The following ANK1 variants were observed in gnomAD, a reference collection of about 807,000 sequenced individuals.
The protein encoded by ANK1 is ankyrin 1, also known as ankyrin-1.
In ANK1, 51 loss-of-function variants were observed where a neutral mutation model predicts 210.4. That is an observed-to-expected ratio of 0.24 (90% confidence interval 0.19 to 0.31). ANK1 has a LOEUF of 0.31. Among genes scored for constraint, ANK1 ranks in the 10% least tolerant of loss-of-function variants. The pLI, the probability that ANK1 is intolerant of heterozygous loss-of-function variation, is 1.00. For synonymous variants in ANK1, 967 were observed against 1,025.9 expected, an observed-to-expected ratio of 0.94 and a Z score of 1.10; for missense variants, 2,051 against 2,504.4, an observed-to-expected ratio of 0.82 and a Z score of 3.86.
intron 1 of ANK1, among the ~76,000 whole-genome samples, chr8:41,893,566 T>G (rs1819858987): frequency 6.6e-6 from 1 of 152,200 alleles, no homozygotes; most frequent in Non-Finnish European, 1.5e-5. Context: ...ATCGCCAAAG[T>G]TACAACCATG....
At chr8:41,764,110 G>A (rs13263917) in intron 1 of ANK1, among the ~76,000 whole-genome samples, 45,992 of 151,502 alleles carry the variant, frequency 0.3, 7,128 homozygotes, top group South Asian at 0.38. Flanking sequence ...CAGAATATAG[G>A]TCCTTGCTCT....
chr8:41,661,998 T>C, intron 40 of ANK1, 57 bp from the exon 41 acceptor site: 1 of 1,587,408 alleles, frequency 6.3e-7, no homozygotes, highest in Admixed American at 1.7e-5. Flanking sequence ...GGGGCTCATG[T>C]CTGTAATCTC....
chr8:41,835,880 G>A (rs965465557), intron 1 of ANK1, among the ~76,000 whole-genome samples: 2 of 152,234 alleles, frequency 1.3e-5, no homozygotes, highest in African/African-American at 2.4e-5. Flanking sequence ...GAAGCCTGCA[G>A]TGTCGCCCCG....
intron 39 of ANK1, chr8:41,664,052 A>C: frequency 1.9e-6 from 1 of 531,858 alleles, no homozygotes; most frequent in Non-Finnish European, 3.6e-6. Flanking sequence ...AGGCCCTGAG[A>C]GAGGAAGTGA....
Position 41,696,837 on chromosome 8 carries a change from G to A in ANK1, c.2638-64C>T, listed in dbSNP as rs1345306112. 2.0e-6 allele frequency: 3 copies of A among 1,473,070 alleles called. No homozygotes were observed. The African/African-American group carries it at 4.2e-5, about 20-fold the overall frequency. The allele number at this position is 1,473,070 out of a possible 1,614,324, so 91.2% of individuals were successfully genotyped here. On this transcript the variant is annotated intron_variant, in intron 24 of 42. Coordinates refer to ENST00000289734, the MANE Select transcript of ANK1 (RefSeq NM_000037.4). ...CCGGGCCAGCTGGATGCCGTGCCAGGGCGTGGAGGCTTGGAAGAACCTTGC... is the reference window on the plus strand; with the variant it reads ...CCGGGCCAGCTGGATGCCGTGCCAGAGCGTGGAGGCTTGGAAGAACCTTGC...
chr8:41,841,034 A>G (rs1052571849), intron 1 of ANK1, among the ~76,000 whole-genome samples: 2 of 152,172 alleles, frequency 1.3e-5, no homozygotes, highest in African/African-American at 4.8e-5. Flanking sequence ...GTAACCCATC[A>G]TCAGTCCCAC....
chr8:41,836,816 A>G (rs1405469253), intron 1 of ANK1, among the ~76,000 whole-genome samples: 1 of 152,004 alleles, frequency 6.6e-6, no homozygotes, highest in East Asian at 1.9e-4. Flanking sequence ...GCCACTCAAG[A>G]GGCTGAGGCA....
Position 41,724,642 on chromosome 8 carries a change from G to C in ANK1, c.613-88C>G, listed in dbSNP as rs964900471. ...CCTGGGATGCAGGAAACTCAGGTGG[G>C]GCAACAGGACTTTACAGACAAAGGA... On this transcript the variant is annotated intron_variant, in intron 6 of 42. Transcript: ENST00000289734. 1.5e-4 allele frequency: 185 copies of C among 1,234,300 alleles called. No homozygotes were observed. In the East Asian group the frequency reaches 4.6e-3, roughly 31 times the overall value. 76.5% of individuals were successfully genotyped at this position (1,234,300 alleles called of 1,614,324 possible).
chr8:41,797,669 C>T, upstream of ANK1: 1 of 1,374,710 alleles, frequency 7.3e-7, no homozygotes, highest in East Asian at 2.9e-5. The surrounding 1 kb of genome is among the most constrained non-coding windows in gnomAD (Gnocchi z 4.0). Flanking sequence ...CCTTATCGGC[C>T]CCAGAGGCGC....
rs1413536083 is a variant in ANK1 at position 41,706,234 on chromosome 8, A to G, written c.2006T>C (p.Leu669Pro). ...TTGTGCTACCAGATGGAGGGGAGTGAGTCCGCTCTGCAAAGAAAAAGACGT... is the reference window on the plus strand; with the variant it reads ...TTGTGCTACCAGATGGAGGGGAGTGGGTCCGCTCTGCAAAGAAAAAGACGT... Reference protein sequence around the residue: ...ANGNLGNKSGLTPLHLVAQEG... With the variant: ...ANGNLGNKSGPTPLHLVAQEG... The change falls in exon 18 of 43, where the codon CTC becomes CCC. Residue 669 changes from leucine (L) to proline (P), a missense_variant. Around this residue, in one of 6 missense-constraint regions of ANK1, gnomAD observed 1,413 missense variants for 1,707.4 expected, o/e 0.83. Transcript: ENST00000289734. 4 of 1,614,102 alleles carry G rather than the reference A, an allele frequency of 2.5e-6. No homozygotes were observed. Among genetic ancestry groups the G allele is most frequent in the Non-Finnish European group, 3.4e-6 (4 of 1,179,980 alleles).
chr8:41,876,238 C>T (rs1014458490), intron 1 of ANK1, among the ~76,000 whole-genome samples: 1 of 152,204 alleles, frequency 6.6e-6, no homozygotes, highest in South Asian at 2.1e-4. Flanking sequence ...GCCTGCGCTC[C>T]AGCCGCGGCA....
Position 41,704,592 on chromosome 8 carries a change from T to G in ANK1, c.2098-120A>C, listed in dbSNP as rs1824048929. 2 of 857,610 alleles carry G rather than the reference T, an allele frequency of 2.3e-6. No homozygotes were observed. The highest frequency in any genetic ancestry group is 3.3e-5 in the African/African-American group (2 of 60,698). The allele number at this position is 857,610 out of a possible 1,614,324, so 53.1% of individuals were successfully genotyped here. ...CAGGGAGCCCCTTGAAGGCTGACAT[T>G]GACAAGCTGAATGGCTGCTGCTGGG... On this transcript the variant is annotated intron_variant, in intron 18 of 42. Coordinates refer to ENST00000289734, the MANE Select transcript of ANK1 (RefSeq NM_000037.4). This position sits in a 1 kb window ranked among gnomAD's most constrained non-coding sequence, Gnocchi z 4.1.
At chr8:41,659,616 C>T (rs1807152526) in intron 42 of ANK1, among the ~76,000 whole-genome samples, 1 of 152,180 alleles carries the variant, frequency 6.6e-6, no homozygotes, top group Admixed American at 6.5e-5. Flanking sequence ...GAGGGTAGGG[C>T]ATTTAATGCT....
At chr8:41,894,241 C>T (rs1414951424) in intron 1 of ANK1, among the ~76,000 whole-genome samples, 1 of 152,080 alleles carries the variant, frequency 6.6e-6, no homozygotes, top group Non-Finnish European at 1.5e-5. Flanking sequence ...TTATATTAAT[C>T]ATAGCACCCA....
chr8:41,700,410 T>C (rs1822429784), intron 22 of ANK1: 1 of 1,611,830 alleles, frequency 6.2e-7, no homozygotes, highest in Non-Finnish European at 8.5e-7. Flanking sequence ...AAGACCACAG[T>C]AAACAGAAAG....
At chr8:41,664,836 G>T in intron 39 of ANK1, 1 of 1,611,938 alleles carries the variant, frequency 6.2e-7, no homozygotes, top group Non-Finnish European at 8.5e-7. Context: ...GACCACCCTG[G>T]TGGAGATGGT....
At chr8:41,695,385 C>T (rs1380832543) in intron 26 of ANK1, 54 bp from the exon 27 acceptor site, 1 of 1,611,868 alleles carries the variant, frequency 6.2e-7, no homozygotes, top group Non-Finnish European at 8.5e-7. Flanking sequence ...GCAGGCAGGG[C>T]ACAGGGAGGG....
At position 41,694,686 on chromosome 8, in the gene ANK1, G is replaced by A. The variant is rs1005949437; in HGVS notation, c.3233C>T (p.Pro1078Leu). The A allele has an allele frequency of 1.2e-6, 2 of 1,614,048 alleles. No individual in the cohort carries two copies. Among genetic ancestry groups the A allele is most frequent in the Admixed American group, 1.7e-5 (1 of 60,010 alleles). Residue 1078 changes from proline (P) to leucine (L), a missense_variant, in exon 28 of 43, where the codon CCC (proline) becomes CTC (leucine). Coordinates refer to ENST00000289734, the MANE Select transcript of ANK1 (RefSeq NM_000037.4). This position sits in a 1 kb window ranked among gnomAD's most constrained non-coding sequence, Gnocchi z 5.7. ...CTTGCTCTTCAGGGAGCCCCCTTCGGGACCGATGGTGTCGTAGTCCTGGCA... is the reference window on the plus strand; with the variant it reads ...CTTGCTCTTCAGGGAGCCCCCTTCGAGACCGATGGTGTCGTAGTCCTGGCA... ...RLCQDYDTIG[P>L]EGGSLKSKLV...
At chr8:41,895,709 G>A (rs1461280681) in intron 1 of ANK1, among the ~76,000 whole-genome samples, 1 of 152,168 alleles carries the variant, frequency 6.6e-6, no homozygotes, top group African/African-American at 2.4e-5. Flanking sequence ...AGTGACCTGA[G>A]CATAAGATGT....
Sources: allele counts gnomAD v4.1 joint callset (sites outside exome capture counted in the v4.1 genomes callset), GRCh38; gene constraint gnomAD v4.1.1; regional missense constraint gnomAD v4.1.1; non-coding constraint Gnocchi (gnomAD v3.1); transcripts MANE v1.5; gene names NCBI Gene and HGNC (gene_info 2026-07-23, HGNC 2026-07-21).